The following ERC2 variants were observed in gnomAD, a reference collection of about 807,000 sequenced individuals.
ERC2 encodes the protein ELKS/RAB6-interacting/CAST family member 2.
Under a neutral mutation model 114.8 loss-of-function variants are expected in ERC2, and 42 were observed. The observed-to-expected ratio is 0.37, with a 90% confidence interval of 0.29 to 0.47. ERC2 has a LOEUF of 0.47. Among genes scored for constraint, ERC2 ranks in the 20% least tolerant of loss-of-function variants. The pLI is 0.99. For missense variants in ERC2, 939 were observed against 1,150.7 expected (o/e 0.82, Z 2.66); for synonymous variants, 454 against 425.5 (o/e 1.07, Z -0.82).
At chr3:56,302,835 T>A (rs2055970559) in intron 2 of ERC2, among the ~76,000 whole-genome samples, 1 of 152,220 alleles carries the variant, frequency 6.6e-6, no homozygotes. Flanking sequence ...GTGGCTTCCA[T>A]TCCACTGCAC....
chr3:56,420,154 T>C (rs375873274), intron 2 of ERC2, among the ~76,000 whole-genome samples: 9 of 151,782 alleles, frequency 5.9e-5, no homozygotes, highest in African/African-American at 2.2e-4. Context: ...GAGCCAATCG[T>C]TTTTAGAACT....
chr3:55,890,218 G>A (rs1235295166), intron 13 of ERC2, among the ~76,000 whole-genome samples: 1 of 152,100 alleles, frequency 6.6e-6, no homozygotes, highest in Non-Finnish European at 1.5e-5. Context: ...ATGTGACGAA[G>A]TTAAAGCGGA....
intron 3 of ERC2, among the ~76,000 whole-genome samples, chr3:56,270,753 G>A (rs1299176374): frequency 6.6e-6 from 1 of 152,214 alleles, no homozygotes; most frequent in African/African-American, 2.4e-5. Context: ...GCCAAGGTGG[G>A]CGGATCACGA....
At chr3:55,928,555 T>C (rs2065885055) in intron 13 of ERC2, among the ~76,000 whole-genome samples, 1 of 152,206 alleles carries the variant, frequency 6.6e-6, no homozygotes. Context: ...TCCCATTCTG[T>C]AGGCTGTCTC....
At position 56,135,066 on chromosome 3, in the gene ERC2, C is replaced by T. The variant is rs143175714; in HGVS notation, c.1473+4443G>A. On this transcript the variant is annotated intron_variant, in intron 6 of 17. Coordinates refer to ENST00000288221, the MANE Select transcript of ERC2 (RefSeq NM_015576.3). ...CTCCCAGGTTCAAGTGATTCTTGTG[C>T]CTCAGCCTCCTGAGGAGCTGGGACT... Among the ~76,000 whole-genome samples the T allele has an allele frequency of 5.6e-3, 846 of 152,146 alleles. 8 individuals are homozygous for T. The highest frequency in any genetic ancestry group is 0.02 in the African/African-American group (815 of 41,508).
At chr3:55,764,180 A>G (rs1286254448) in intron 14 of ERC2, among the ~76,000 whole-genome samples, 1 of 152,236 alleles carries the variant, frequency 6.6e-6, no homozygotes, top group Admixed American at 6.5e-5. Context: ...TCCAAATTTT[A>G]AAAAAGTGTT....
At chr3:55,884,277 C>T (rs1006698248) in intron 14 of ERC2, among the ~76,000 whole-genome samples, 2 of 152,106 alleles carry the variant, frequency 1.3e-5, no homozygotes, top group African/African-American at 4.8e-5. Flanking sequence ...ATGTTTGCAA[C>T]ATAGAAGGTT....
chr3:55,598,906 C>T (rs146496111), intron 17 of ERC2, among the ~76,000 whole-genome samples: 1 of 152,318 alleles, frequency 6.6e-6, no homozygotes, highest in Non-Finnish European at 1.5e-5. Flanking sequence ...GTTTCCACCA[C>T]AGACATCTGC....
At chr3:56,225,527 C>T (rs1207217779) in intron 3 of ERC2, among the ~76,000 whole-genome samples, 1 of 152,208 alleles carries the variant, frequency 6.6e-6, no homozygotes, top group Non-Finnish European at 1.5e-5. Context: ...TTGTCTTCAT[C>T]ATAGATAACA....
intron 17 of ERC2, among the ~76,000 whole-genome samples, chr3:55,584,828 T>C (rs1190378145): frequency 6.6e-6 from 1 of 152,118 alleles, no homozygotes; most frequent in Non-Finnish European, 1.5e-5. Context: ...CAATCCACCA[T>C]GTAGTACTTG....
At chr3:56,395,181 A>T (rs913335580) in intron 2 of ERC2, among the ~76,000 whole-genome samples, 1 of 152,144 alleles carries the variant, frequency 6.6e-6, no homozygotes, top group African/African-American at 2.4e-5. Flanking sequence ...TTTTTAGGTG[A>T]TAATATGTCT....
intron 3 of ERC2, among the ~76,000 whole-genome samples, chr3:56,227,690 C>T (rs927903802): frequency 6.6e-6 from 1 of 152,152 alleles, no homozygotes; most frequent in Non-Finnish European, 1.5e-5. Context: ...AGAACATCTA[C>T]GTGGTGCTGG....
intron 17 of ERC2, among the ~76,000 whole-genome samples, chr3:55,569,861 A>ATTTTT: frequency 8.0e-6 from 1 of 125,228 alleles, no homozygotes; most frequent in Non-Finnish European, 1.7e-5. Context: ...CTTCATTTCT[A>ATTTTT]TTTTTTTTTT....
intron 13 of ERC2, among the ~76,000 whole-genome samples, chr3:55,945,344 T>C (rs1576308838): frequency 6.6e-6 from 1 of 152,310 alleles, no homozygotes; most frequent in East Asian, 1.9e-4. Flanking sequence ...AAGTGTACCA[T>C]AACACATGAA....
intron 17 of ERC2, among the ~76,000 whole-genome samples, chr3:55,565,308 T>A (rs1478092022): frequency 6.6e-6 from 1 of 152,220 alleles, no homozygotes; most frequent in Admixed American, 6.5e-5. Context: ...GGATATTGAA[T>A]AAAATAGGTA....
intron 3 of ERC2, among the ~76,000 whole-genome samples, chr3:56,290,804 C>A (rs2055033554): frequency 6.6e-6 from 1 of 152,100 alleles, no homozygotes; most frequent in African/African-American, 2.4e-5. Context: ...ACCAGGAGAC[C>A]AATAATTCAT....
intron 14 of ERC2, chr3:55,852,545 TAA>T (rs10575780): frequency 0.19 from 29,858 of 153,858 alleles, 4,568 homozygotes; most frequent in African/African-American, 0.42. Context: ...TTTTTTAAAT[TAA>T]AAAAAAATTC....
At chr3:56,448,159 C>G (rs1258195572) in intron 1 of ERC2, among the ~76,000 whole-genome samples, 1 of 152,032 alleles carries the variant, frequency 6.6e-6, no homozygotes, top group African/African-American at 2.4e-5. Flanking sequence ...CGTATATGAC[C>G]CAAAAGCACT....
intron 6 of ERC2, among the ~76,000 whole-genome samples, chr3:56,112,526 C>T (rs28464790): frequency 0.17 from 25,260 of 151,666 alleles, 2,270 homozygotes; most frequent in African/African-American, 0.21. Context: ...TTAGAGAGAC[C>T]ATCAATTCCT....
Sources: gnomAD v4.1 joint callset for allele counts (sites outside exome capture counted in the v4.1 genomes callset) on GRCh38, gnomAD v4.1.1 for gene constraint, MANE v1.5 for transcripts, NCBI Gene and HGNC (gene_info 2026-07-23, HGNC 2026-07-21) for gene names.